The following FABP6 variants were observed in gnomAD, a reference collection of about 807,000 sequenced individuals.
The protein encoded by FABP6 is fatty acid binding protein 6.
Under a neutral mutation model 14.9 loss-of-function variants are expected in FABP6, and 13 were observed. The observed-to-expected ratio is 0.87, with a 90% confidence interval of 0.57 to 1.39. The LOEUF (loss-of-function observed/expected upper bound fraction) is 1.39, where lower values mean the gene tolerates loss of function less well. Ranked by LOEUF, FABP6 falls within the 40% of genes most tolerant of loss-of-function variation. The pLI is 0.00. For synonymous variants in FABP6, 75 were observed against 63.6 expected, an observed-to-expected ratio of 1.18 and a Z score of -0.85; for missense variants, 161 against 167.2, an observed-to-expected ratio of 0.96 and a Z score of 0.20.
intron 2 of FABP6, among the ~76,000 whole-genome samples, chr5:160,204,267 T>C (rs1452157686): frequency 6.6e-6 from 1 of 151,888 alleles, no homozygotes; most frequent in East Asian, 1.9e-4. Flanking sequence ...CAATGAGCTA[T>C]AATCCTGCCA....
chr5:160,227,811 A>G (rs934712420), upstream of FABP6, among the ~76,000 whole-genome samples: 2 of 110,922 alleles, frequency 1.8e-5, no homozygotes, highest in Admixed American at 9.4e-5. Context: ...ACTTAAAAAA[A>G]TCCATGACGT....
chr5:160,220,437 C>T (rs893622016), intron 3 of FABP6, among the ~76,000 whole-genome samples: 4 of 151,908 alleles, frequency 2.6e-5, no homozygotes, highest in African/African-American at 4.8e-5. Flanking sequence ...AGTGAGGCCT[C>T]GTCTCTACTA....
intron 1 of FABP6, among the ~76,000 whole-genome samples, chr5:160,187,742 A>ATTATTTAT (rs147766560): frequency 0.14 from 20,474 of 150,610 alleles, 1,436 homozygotes; most frequent in Middle Eastern, 0.19. Flanking sequence ...AATATTTGCT[A>ATTATTTAT]TTATTTATTT....
chr5:160,216,469 T>C (rs1473158439), intron 3 of FABP6, among the ~76,000 whole-genome samples: 1 of 152,012 alleles, frequency 6.6e-6, no homozygotes, highest in South Asian at 2.1e-4. Context: ...GGTTTCACCA[T>C]GTTGGCCAGG....
upstream of FABP6, among the ~76,000 whole-genome samples, chr5:160,225,093 G>GTTTTTT (rs61110860): frequency 6.8e-6 from 1 of 146,208 alleles, no homozygotes. Flanking sequence ...CCTGATAGCA[G>GTTTTTT]TTTTTTTTTT....
upstream of FABP6, chr5:160,228,343 A>G (rs1361977201): frequency 2.2e-6 from 1 of 444,472 alleles, no homozygotes; most frequent in African/African-American, 2.0e-5. Context: ...GTGAGCCGAG[A>G]TCACACCTTT....
At chr5:160,234,755 ACCAGCC>A in intron 2 of FABP6, 59 bp from the exon 3 acceptor site, 1 of 1,363,398 alleles carries the variant, frequency 7.3e-7, no homozygotes, top group Non-Finnish European at 1.0e-6. Flanking sequence ...TGCCCGCGCC[ACCAGCC>A]CCAGATAGTT....
At chr5:160,193,875 C>G (rs1580895512) in intron 1 of FABP6, among the ~76,000 whole-genome samples, 1 of 152,382 alleles carries the variant, frequency 6.6e-6, no homozygotes, top group Non-Finnish European at 1.5e-5. Flanking sequence ...AGCTGCCTGC[C>G]AGTCACGCGC....
chr5:160,221,663 T>C (rs1157895108), intron 3 of FABP6, among the ~76,000 whole-genome samples: 1 of 152,070 alleles, frequency 6.6e-6, no homozygotes, highest in Non-Finnish European at 1.5e-5. Context: ...CATACTCTAT[T>C]AGTGGATTTG....
chr5:160,192,416 G>A (rs1043662903), intron 1 of FABP6, among the ~76,000 whole-genome samples: 1 of 152,082 alleles, frequency 6.6e-6, no homozygotes, highest in Non-Finnish European at 1.5e-5. Flanking sequence ...TCTTCCCCAG[G>A]GCAAGGTTAG....
chr5:160,228,879 C>T (rs1235204299), upstream of FABP6, among the ~76,000 whole-genome samples: 1 of 152,148 alleles, frequency 6.6e-6, no homozygotes, highest in African/African-American at 2.4e-5. Flanking sequence ...TGTTCTCAGC[C>T]TCCTCCAACC....
At chr5:160,193,278 C>T (rs1053951672) in intron 1 of FABP6, among the ~76,000 whole-genome samples, 6 of 151,882 alleles carry the variant, frequency 4.0e-5, no homozygotes, top group African/African-American at 9.7e-5. Context: ...TCGTTCCTCC[C>T]GGTGGGCTCG....
At chr5:160,188,787 C>T (rs565053261) in intron 1 of FABP6, among the ~76,000 whole-genome samples, 8 of 152,298 alleles carry the variant, frequency 5.3e-5, no homozygotes, top group African/African-American at 1.9e-4. Context: ...CTCATTTCTG[C>T]AAGGCCCCTC....
At chr5:160,231,927 A>G (rs1262862976) in intron 1 of FABP6, 171 bp from the exon 2 acceptor site, 4 of 655,934 alleles carry the variant, frequency 6.1e-6, no homozygotes, top group Non-Finnish European at 7.6e-6. Context: ...TTCCCCAGCC[A>G]CATGGCTCAC....
rs1760471581 is a variant in FABP6 at position 160,234,836 on chromosome 5, A to G, written c.260A>G (p.Glu87Gly). ...GKTFKATVQMEGGKLVVNFPN... is the reference protein window; with the variant it reads ...GKTFKATVQMGGGKLVVNFPN... Reference sequence around the variant, plus strand: ...CCATTCCAGGCCACTGTGCAGATGGAGGGCGGGAAGCTGGTGGTGAATTTC... The same window carrying G: ...CCATTCCAGGCCACTGTGCAGATGGGGGGCGGGAAGCTGGTGGTGAATTTC... The change falls in exon 3 of 4, where the codon GAG becomes GGG. Residue 87 changes from glutamate (E) to glycine (G), a missense_variant. Physicochemically the swap from Glu to Gly is moderately conservative, Grantham distance 98. Transcript: ENST00000402432. 1.2e-6 allele frequency: 2 copies of G among 1,610,122 alleles called. No individual in the cohort carries two copies. Among genetic ancestry groups the G allele is most frequent in the African/African-American group, 2.7e-5 (2 of 74,830 alleles).
chr5:160,190,148 G>A (rs531567481), intron 1 of FABP6, among the ~76,000 whole-genome samples: 8 of 152,258 alleles, frequency 5.3e-5, no homozygotes, highest in African/African-American at 1.4e-4. Context: ...TAAACAGAAC[G>A]CTATTTTTCT....
At chr5:160,221,646 G>A (rs1396329859) in intron 3 of FABP6, among the ~76,000 whole-genome samples, 5 of 152,164 alleles carry the variant, frequency 3.3e-5, no homozygotes, top group South Asian at 2.1e-4. Context: ...AGAGCATGGC[G>A]ACAAAACATA....
intron 3 of FABP6, among the ~76,000 whole-genome samples, chr5:160,221,289 G>C (rs375747417): frequency 6.6e-6 from 1 of 151,994 alleles, no homozygotes; most frequent in Admixed American, 6.6e-5. Context: ...GAAGGTACAG[G>C]CTCTGGGGAT....
upstream of FABP6, chr5:160,228,424 C>T (rs897782499): frequency 2.2e-6 from 1 of 455,968 alleles, no homozygotes; most frequent in African/African-American, 2.0e-5. Context: ...ATCACGAGAG[C>T]CTTTGCAGAG....
Sources: gnomAD v4.1 joint callset for allele counts (sites outside exome capture counted in the v4.1 genomes callset) on GRCh38, gnomAD v4.1.1 for gene constraint, MANE v1.5 for transcripts, NCBI Gene and HGNC (gene_info 2026-07-23, HGNC 2026-07-21) for gene names.